Variants in PCSK5 observed in about 807,000 individuals in gnomAD.
PCSK5 encodes prohormone convertase 5.
In PCSK5, 129 loss-of-function variants were observed where a neutral mutation model predicts 233.2. The ratio of observed to expected loss-of-function variants is 0.55; its 90% CI spans 0.48 to 0.64. PCSK5 has a LOEUF of 0.64. Ranked by LOEUF, PCSK5 falls within the 30% of genes least tolerant of loss-of-function variation. The pLI, the probability that PCSK5 is intolerant of heterozygous loss-of-function variation, is 0.00. For missense variants in PCSK5, 2,076 were observed against 2,430.1 expected (o/e 0.85, Z 3.06); for synonymous variants, 825 against 879.2 (o/e 0.94, Z 1.09).
intron 33 of PCSK5, among the ~76,000 whole-genome samples, chr9:76,330,900 G>A (rs9886726): frequency 0.1 from 15,489 of 152,030 alleles, 887 homozygotes; most frequent in Non-Finnish European, 0.13. Flanking sequence ...CCACCCCGTC[G>A]GACCTTCTTT....
chr9:76,261,274 A>C (rs963848737), intron 24 of PCSK5, among the ~76,000 whole-genome samples: 1 of 152,224 alleles, frequency 6.6e-6, no homozygotes, highest in Non-Finnish European at 1.5e-5. Context: ...ATCCCAAATG[A>C]GAAACTTTAT....
intron 24 of PCSK5, among the ~76,000 whole-genome samples, chr9:76,247,173 G>T (rs145833732): frequency 1.3e-5 from 2 of 152,204 alleles, no homozygotes; most frequent in Non-Finnish European, 2.9e-5. Flanking sequence ...GAGCACAGTG[G>T]ACACCCTGCC....
At chr9:76,172,382 A>C (rs897728652) in intron 13 of PCSK5, among the ~76,000 whole-genome samples, 3 of 152,180 alleles carry the variant, frequency 2.0e-5, no homozygotes, top group African/African-American at 7.2e-5. Context: ...GAGAAAAAAA[A>C]ATGATGGCCC....
chr9:75,946,649 C>T (rs7035516), intron 2 of PCSK5, among the ~76,000 whole-genome samples: 5,201 of 152,180 alleles, frequency 0.034, 111 homozygotes, highest in Admixed American at 0.055. Flanking sequence ...AGTGCAGTGG[C>T]GCAATCTCCG....
chr9:75,891,088 C>CGAGCTGCGGCGGCCCGGGGCTGA lies in PCSK5; in HGVS notation c.-94_-93insGAGCTGCGGCGGCCCGGGGCTGA. Reference sequence around the variant, plus strand: ...TGCGAGCTGCGGCGGCCCGGGGCTGCTCGCCGGGCGGCGCAGGCCGGAGAA... The same window carrying CGAGCTGCGGCGGCCCGGGGCTGA: ...TGCGAGCTGCGGCGGCCCGGGGCTGCGAGCTGCGGCGGCCCGGGGCTGATCGCCGGGCGGCGCAGGCCGGAGAA... On this transcript the variant is annotated 5_prime_UTR_variant, in exon 1 of 38. Coordinates refer to ENST00000674117, the MANE Select transcript of PCSK5 (RefSeq NM_001372043.1). The CGAGCTGCGGCGGCCCGGGGCTGA allele has an allele frequency of 2.5e-6, 3 of 1,216,130 alleles. No individual in the cohort carries two copies. The highest frequency in any genetic ancestry group is 3.2e-6 in the Non-Finnish European group (3 of 940,442). The allele number at this position is 1,216,130 out of a possible 1,614,324, so 75.3% of individuals were successfully genotyped here.
intron 2 of PCSK5, among the ~76,000 whole-genome samples, chr9:75,972,733 T>C (rs1308330385): frequency 2.0e-5 from 3 of 152,198 alleles, no homozygotes; most frequent in Non-Finnish European, 2.9e-5. Context: ...TTTTGTATCT[T>C]GAGACTTTGT....
In PCSK5 at chr9:76,361,007, A is replaced by G. The variant is rs1033390983; in HGVS notation, c.*2085A>G. On this transcript the variant is annotated 3_prime_UTR_variant, in exon 38 of 38. Coordinates refer to ENST00000674117, the MANE Select transcript of PCSK5 (RefSeq NM_001372043.1). ...CTTTAAAACAGTTTTCAGAGATCAT[A>G]CATGTACATGTATGATATGCCTCCA... The G allele has an allele frequency of 6.6e-6, 1 of 152,290 alleles. No homozygotes were observed. Among genetic ancestry groups the G allele is most frequent in the African/African-American group, 2.4e-5 (1 of 41,564 alleles). The allele number at this position is 152,290 out of a possible 1,614,324, so 9.4% of individuals were successfully genotyped here. A position where few individuals can be genotyped will look rare whatever the true frequency, so the allele number is the denominator to read the frequency against.
chr9:76,111,462 A>G (rs1225122436), intron 9 of PCSK5, among the ~76,000 whole-genome samples: 1 of 152,182 alleles, frequency 6.6e-6, no homozygotes, highest in Non-Finnish European at 1.5e-5. Flanking sequence ...AAAATTATGG[A>G]CGATTTTAGA....
chr9:76,095,417 CTAA>C (rs987330809), intron 7 of PCSK5, among the ~76,000 whole-genome samples: 12 of 152,290 alleles, frequency 7.9e-5, no homozygotes, highest in South Asian at 2.1e-4. Flanking sequence ...GTAATTACAA[CTAA>C]TAATATCCCA....
At chr9:76,102,930 T>C (rs762713718) in intron 8 of PCSK5, among the ~76,000 whole-genome samples, 3 of 152,188 alleles carry the variant, frequency 2.0e-5, no homozygotes, top group Non-Finnish European at 4.4e-5. Flanking sequence ...ATTATGGAGA[T>C]ACAAAAGTGA....
chr9:75,916,801 A>G (rs1356474349), intron 1 of PCSK5, among the ~76,000 whole-genome samples: 1 of 152,170 alleles, frequency 6.6e-6, no homozygotes, highest in Admixed American at 6.5e-5. Context: ...TAAAAGTAAC[A>G]GGAAGTAATT....
chr9:76,157,020 C>G (rs755547148), intron 10 of PCSK5, 25 bp from the exon 11 acceptor site: 1 of 1,530,296 alleles, frequency 6.5e-7, no homozygotes, highest in Non-Finnish European at 9.1e-7. Flanking sequence ...CTTAGTGAAG[C>G]TGACCAGTCT....
At chr9:76,199,964 C>T (rs940482673) in intron 20 of PCSK5, among the ~76,000 whole-genome samples, 17 of 152,112 alleles carry the variant, frequency 1.1e-4, no homozygotes, top group African/African-American at 4.1e-4. Flanking sequence ...ATGGCATTCA[C>T]TGTATTTCCA....
intron 2 of PCSK5, among the ~76,000 whole-genome samples, chr9:75,978,769 C>G (rs748796781): frequency 6.6e-6 from 1 of 151,730 alleles, no homozygotes; most frequent in Non-Finnish European, 1.5e-5. Flanking sequence ...TACCCAAAAT[C>G]AAAGGATTAA....
intron 2 of PCSK5, among the ~76,000 whole-genome samples, chr9:75,940,363 A>G (rs1250517193): frequency 3.3e-5 from 5 of 152,208 alleles, no homozygotes; most frequent in African/African-American, 1.2e-4. Context: ...CCCAGCATCA[A>G]GTTCAAGTCT....
chr9:76,135,789 A>C (rs2131751000), intron 10 of PCSK5, among the ~76,000 whole-genome samples: 1 of 152,224 alleles, frequency 6.6e-6, no homozygotes, highest in South Asian at 2.1e-4. Flanking sequence ...TAGTAGAAGG[A>C]TCACAGACTA....
At chr9:76,299,784 C>A (rs1828549949) in intron 27 of PCSK5, among the ~76,000 whole-genome samples, 1 of 152,178 alleles carries the variant, frequency 6.6e-6, no homozygotes, top group Non-Finnish European at 1.5e-5. Flanking sequence ...TCAGGTATGG[C>A]AGACCACGGG....
At chr9:76,327,919 A>C (rs1379176386) in intron 32 of PCSK5, 90 bp from the exon 33 acceptor site, 5 of 803,050 alleles carry the variant, frequency 6.2e-6, no homozygotes, top group African/African-American at 1.7e-5. Context: ...ATGTGAAAGG[A>C]ATGTGAAGAC....
At chr9:75,935,187 C>T (rs930149137) in intron 2 of PCSK5, among the ~76,000 whole-genome samples, 3 of 152,106 alleles carry the variant, frequency 2.0e-5, no homozygotes, top group African/African-American at 7.2e-5. Flanking sequence ...CTTGTCTCAG[C>T]CTCCTGAGTA....
Sources: gnomAD v4.1 joint callset for allele counts (sites outside exome capture counted in the v4.1 genomes callset) on GRCh38, gnomAD v4.1.1 for gene constraint, MANE v1.5 for transcripts, NCBI Gene and HGNC (gene_info 2026-07-23, HGNC 2026-07-21) for gene names.